The following SLC12A9 variants were observed in gnomAD, a reference collection of about 807,000 sequenced individuals.
The protein encoded by SLC12A9 is CCC-interacting protein 1.
In SLC12A9, 55 loss-of-function variants were observed where a neutral mutation model predicts 66.0. The ratio of observed to expected loss-of-function variants is 0.83; its 90% CI spans 0.67 to 1.04. The LOEUF is 1.04. Among genes scored for constraint, SLC12A9 ranks in the 50% least tolerant of loss-of-function variants. SLC12A9 has a pLI of 0.00. For missense variants in SLC12A9, 1,061 were observed against 1,241.9 expected, an observed-to-expected ratio of 0.85 and a Z score of 2.19; for synonymous variants, 577 against 569.0, an observed-to-expected ratio of 1.01 and a Z score of -0.20.
rs1420431825 is a variant in SLC12A9 at position 100,866,235 on chromosome 7, T to C, written c.2375T>C (p.Leu792Pro). ...CGGCTGCGGGCACTGCTGAGCCAAC[T>C]GAGGATCCGGGCTGAGGTGCAGGAG... ...EGRLRALLSQ[L>P]RIRAEVQEVV... The change falls in exon 14 of 14, where the codon CTG (leucine) becomes CCG (proline). Residue 792 changes from leucine to proline, a missense_variant. Leu to Pro is a moderately conservative substitution (Grantham distance 98, BLOSUM62 -3). Transcript: ENST00000354161. This position sits in a 1 kb window ranked among gnomAD's most constrained non-coding sequence, Gnocchi z 7.3. 6.2e-7 allele frequency: 1 copy of C among 1,604,912 alleles called. No individual in the cohort carries two copies. The highest frequency in any genetic ancestry group is 8.5e-7 in the Non-Finnish European group (1 of 1,176,290).
intron 1 of SLC12A9, among the ~76,000 whole-genome samples, chr7:100,831,405 G>A (rs1337992981): frequency 6.6e-6 from 1 of 152,134 alleles, no homozygotes; most frequent in African/African-American, 2.4e-5. Flanking sequence ...AGGCTGGTCT[G>A]GAACTCCTGA....
intron 1 of SLC12A9, among the ~76,000 whole-genome samples, chr7:100,828,796 C>G (rs554220498): frequency 6.6e-6 from 1 of 152,066 alleles, no homozygotes; most frequent in Non-Finnish European, 1.5e-5. Context: ...TGCCAACTCC[C>G]CTCACCCTCC....
chr7:100,851,772 T>TA (rs1562986566), upstream of SLC12A9, among the ~76,000 whole-genome samples: 1 of 114,186 alleles, frequency 8.8e-6, no homozygotes, highest in Non-Finnish European at 1.7e-5. Context: ...GCCTGTGTAA[T>TA]AGTTCCTGGA....
At position 100,860,173 on chromosome 7, in the gene SLC12A9, G is replaced by T. The variant is rs1413879316; in HGVS notation, c.1159G>T (p.Val387Phe). Residue 387 changes from valine to phenylalanine, a missense_variant, in exon 9 of 14, where the codon GTT (valine) becomes TTT (phenylalanine). Val to Phe is a conservative substitution (Grantham distance 50). Transcript: ENST00000354161. ...LFGVILAPAK[V>F]VSRGGNPWAA... ...AGGCGTGATCTTGGCACCGGCCAAG[G>T]TTGTGTCCCGAGGGGGAAACCCCTG... 2 of 1,614,226 alleles carry T rather than the reference G, an allele frequency of 1.2e-6. No homozygotes were observed. The highest frequency in any genetic ancestry group is 1.3e-5 in the African/African-American group (1 of 75,054).
chr7:100,840,380 G>A (rs1283701577), intron 1 of SLC12A9, among the ~76,000 whole-genome samples: 4 of 152,158 alleles, frequency 2.6e-5, no homozygotes, highest in African/African-American at 9.7e-5. Flanking sequence ...AGGTAGGTTG[G>A]CCATTAGAAA....
intron 1 of SLC12A9, chr7:100,827,120 T>C (rs952758363): frequency 1.1e-5 from 16 of 1,411,032 alleles, no homozygotes; most frequent in East Asian, 5.2e-5. Flanking sequence ...TGGACGCCGA[T>C]ACTCCGCGCG....
intron 1 of SLC12A9, among the ~76,000 whole-genome samples, chr7:100,846,236 C>CCTGTTTGCTT (rs1813910203): frequency 6.6e-6 from 1 of 152,198 alleles, no homozygotes; most frequent in Non-Finnish European, 1.5e-5. Context: ...GCTTACTGCT[C>CCTGTTTGCTT]CTTTGTTTGC....
rs199828305 is a variant in SLC12A9, at chr7:100,862,820, C to T, written c.1851C>T (p.Ser617=). Residue 617 remains serine (S), a synonymous_variant, in exon 13 of 14, where the codon TCC becomes TCT. Transcript: ENST00000354161. ...GGGCTCAGCATCTGCTGCGAATCTC[C>T]GGCCTCGGTGAGCTGCTTCTCCCTG... The part of the protein sequence containing the change: ...RQGAQHLLRI[S]GLGGMKPNTL... 272 of 1,614,026 alleles carry T rather than the reference C, an allele frequency of 1.7e-4. No homozygotes were observed. The highest frequency in any genetic ancestry group is 2.0e-4 in the Non-Finnish European group (239 of 1,179,990).
At chr7:100,853,194 TGGGGGGCTTGGTA>T (rs1316824822) in intron 1 of SLC12A9, 1 of 150,936 alleles carries the variant, frequency 6.6e-6, no homozygotes, top group African/African-American at 2.4e-5. Flanking sequence ...GTGATTGCAT[TGGGGGGCTTGGTA>T]GGGGCAGCTC....
intron 13 of SLC12A9, chr7:100,865,359 G>C: frequency 6.5e-7 from 1 of 1,536,040 alleles, no homozygotes; most frequent in Non-Finnish European, 8.7e-7. Flanking sequence ...TTGCACAACA[G>C]AGTCAAACTC....
intron 1 of SLC12A9, among the ~76,000 whole-genome samples, chr7:100,834,002 T>C (rs1022916463): frequency 6.6e-6 from 1 of 151,116 alleles, no homozygotes; most frequent in Non-Finnish European, 1.5e-5. Context: ...CCAAGTCATT[T>C]TCTACCTTCC....
intron 1 of SLC12A9, among the ~76,000 whole-genome samples, chr7:100,842,614 C>A (rs1813811161): frequency 6.6e-6 from 1 of 152,172 alleles, no homozygotes; most frequent in Non-Finnish European, 1.5e-5. Flanking sequence ...TAAAATCATA[C>A]ATTAATTTTA....
At chr7:100,851,424 AG>A (rs1294442996), upstream of SLC12A9, among the ~76,000 whole-genome samples, 1 of 149,872 alleles carries the variant, frequency 6.7e-6, no homozygotes, top group Non-Finnish European at 1.5e-5. Context: ...ACCCTGAAAA[AG>A]TTTTTTTTTT....
chr7:100,864,240 G>A (rs981200702), intron 13 of SLC12A9, among the ~76,000 whole-genome samples: 1 of 151,962 alleles, frequency 6.6e-6, no homozygotes, highest in Admixed American at 6.6e-5. Flanking sequence ...AGCATTGTCC[G>A]GCTAATTTTT....
chr7:100,839,564 C>G (rs919417933), intron 1 of SLC12A9, among the ~76,000 whole-genome samples: 15 of 152,218 alleles, frequency 9.9e-5, no homozygotes, highest in Admixed American at 6.5e-5. Context: ...GCGGGCGACT[C>G]TAACTAGCCC....
intron 13 of SLC12A9, among the ~76,000 whole-genome samples, chr7:100,864,236 G>A (rs1047706675): frequency 6.6e-6 from 1 of 151,900 alleles, no homozygotes; most frequent in African/African-American, 2.4e-5. Flanking sequence ...CGCCAGCATT[G>A]TCCGGCTAAT....
chr7:100,827,561 C>G (rs1180346290), intron 1 of SLC12A9: 1 of 148,698 alleles, frequency 6.7e-6, no homozygotes, highest in South Asian at 2.1e-4. Context: ...GAGGGGCGCG[C>G]GGGGGGCGGG....
At chr7:100,837,376 C>T (rs534906564) in intron 1 of SLC12A9, 1 of 152,368 alleles carries the variant, frequency 6.6e-6, no homozygotes, top group Non-Finnish European at 1.5e-5. Context: ...CGCCCGTAGC[C>T]ACACAATTCG....
intron 13 of SLC12A9, among the ~76,000 whole-genome samples, chr7:100,863,784 C>T (rs1182778307): frequency 2.0e-5 from 3 of 152,232 alleles, no homozygotes; most frequent in Non-Finnish European, 2.9e-5. Context: ...AAAGTGCATG[C>T]TTCCTTCTCT....
Sources: allele counts gnomAD v4.1 joint callset (sites outside exome capture counted in the v4.1 genomes callset), GRCh38; gene constraint gnomAD v4.1.1; non-coding constraint Gnocchi (gnomAD v3.1); transcripts MANE v1.5; gene names NCBI Gene and HGNC (gene_info 2026-07-23, HGNC 2026-07-21).